CELF2: variants seen among roughly 807,000 people sequenced by gnomAD.
The protein encoded by CELF2 is CUG triplet repeat RNA-binding protein 2.
A neutral mutation model predicts 62.6 loss-of-function variants in CELF2; 8 were observed. The observed-to-expected ratio is 0.13, with a 90% CI of 0.07 to 0.23. CELF2 has a LOEUF of 0.23. CELF2 is among the 10% of genes least tolerant of loss of function. The pLI is 1.00. For missense variants in CELF2, 333 were observed against 671.0 expected (o/e 0.50, Z 5.56); for synonymous variants, 258 against 250.0 (o/e 1.03, Z -0.30).
At chr10:11,131,338 C>G (rs1489130874) in intron 1 of CELF2, among the ~76,000 whole-genome samples, 1 of 152,190 alleles carries the variant, frequency 6.6e-6, no homozygotes. Flanking sequence ...ACACTGTGTA[C>G]TCAGTCACTC....
chr10:11,282,147 C>A (rs1469979995), intron 8 of CELF2, among the ~76,000 whole-genome samples: 1 of 152,180 alleles, frequency 6.6e-6, no homozygotes, highest in Non-Finnish European at 1.5e-5. Context: ...TTCCTCCCCT[C>A]CATCCGTCCC....
At chr10:11,026,813 G>A (rs2138527766) in intron 1 of CELF2, among the ~76,000 whole-genome samples, 1 of 152,330 alleles carries the variant, frequency 6.6e-6, no homozygotes, top group African/African-American at 2.4e-5. Context: ...GAGGAGAGCA[G>A]TATCCAAATA....
At chr10:11,249,527 A>G (rs1427300831) in intron 4 of CELF2, among the ~76,000 whole-genome samples, 1 of 152,084 alleles carries the variant, frequency 6.6e-6, no homozygotes, top group African/African-American at 2.4e-5. Context: ...ATACAGGGAC[A>G]TCTCATGGGG....
At chr10:11,226,715 C>T (rs2066749381) in intron 3 of CELF2, among the ~76,000 whole-genome samples, 1 of 151,948 alleles carries the variant, frequency 6.6e-6, no homozygotes, top group Non-Finnish European at 1.5e-5. Flanking sequence ...AAGCCATGTT[C>T]CCTTGCACAG....
chr10:11,332,825 CAT>C lies in CELF2; in HGVS notation c.*3773_*3774del, dbSNP rs1002219341. On this transcript the variant is annotated 3_prime_UTR_variant, in exon 13 of 13. Transcript: ENST00000633077. ...AATGACATGATTTGTATTATCCTCACATGTGTTTACTACTGCTGGGGCCTTCC... is the reference window on the plus strand; with the variant it reads ...AATGACATGATTTGTATTATCCTCACGTGTTTACTACTGCTGGGGCCTTCC... 5 of 152,694 alleles carry C rather than the reference CAT, an allele frequency of 3.3e-5. No homozygotes were observed. The highest frequency in any genetic ancestry group is 1.2e-4 in the African/African-American group (5 of 41,458). 9.5% of individuals were successfully genotyped at this position (152,694 alleles called of 1,614,324 possible). A position where few individuals can be genotyped will look rare whatever the true frequency, so the allele number is the denominator to read the frequency against.
chr10:11,093,405 A>G (rs1293389497), intron 1 of CELF2, among the ~76,000 whole-genome samples: 1 of 152,186 alleles, frequency 6.6e-6, no homozygotes, highest in African/African-American at 2.4e-5. Context: ...AACTAATAAA[A>G]ATTTTAATTT....
the CELF2 span, among the ~76,000 whole-genome samples, chr10:10,563,036 G>T: frequency 1.3e-5 from 2 of 152,090 alleles, no homozygotes; most frequent in Non-Finnish European, 2.9e-5. Flanking sequence ...AACCTCTGGA[G>T]AATGACATGG....
At chr10:11,193,836 T>C (rs1160589963) in intron 2 of CELF2, among the ~76,000 whole-genome samples, 1 of 152,194 alleles carries the variant, frequency 6.6e-6, no homozygotes. Flanking sequence ...ATATGACGCT[T>C]CATGTTTATA....
In CELF2 at chr10:10,938,196, G is replaced by A. The variant is rs1369933943; in HGVS notation, c.89+18197G>A. 2.6e-5 allele frequency among the ~76,000 whole-genome samples: 4 copies of A among 152,232 alleles called. No homozygotes were observed. Among genetic ancestry groups the A allele is most frequent in the Non-Finnish European group, 5.9e-5 (4 of 68,044 alleles). Reference sequence around the variant, plus strand: ...CTGTTCTTTGTTTTCTAATGGGCATGTGATGTTGATGAAAAATAGCATTCA... The same window carrying A: ...CTGTTCTTTGTTTTCTAATGGGCATATGATGTTGATGAAAAATAGCATTCA... On this transcript the variant is annotated intron_variant, in intron 2 of 13. Transcript: ENST00000636488. The surrounding 1 kb of genome is among the most constrained non-coding windows in gnomAD (Gnocchi z 4.2).
In CELF2 at chr10:10,996,997, C is replaced by G. The variant is rs200688218; in HGVS notation, c.89+76998C>G. ...GTGTTGGAAACATCAGAATTATCTT[C>G]AACTCCTTGGTTTTCTTCATTCCAC... On this transcript the variant is annotated intron_variant, in intron 2 of 13. Transcript: ENST00000636488. Among the ~76,000 whole-genome samples, 15 of 152,308 alleles carry G rather than the reference C, an allele frequency of 9.8e-5. No individual in the cohort carries two copies. In the East Asian group the frequency reaches 2.9e-3, roughly 29 times the overall value.
At chr10:11,141,234 G>A (rs1301011827) in intron 1 of CELF2, among the ~76,000 whole-genome samples, 1 of 152,162 alleles carries the variant, frequency 6.6e-6, no homozygotes, top group African/African-American at 2.4e-5. Context: ...TTACTGGATG[G>A]AGCAGAATAG....
intron 1 of CELF2, among the ~76,000 whole-genome samples, chr10:11,056,831 A>C (rs1457954664): frequency 6.6e-6 from 1 of 152,250 alleles, no homozygotes; most frequent in Admixed American, 6.5e-5. Context: ...AAATGTGTCC[A>C]TTAGCAATAA....
chr10:10,772,610 C>T, the CELF2 span, among the ~76,000 whole-genome samples: 1 of 152,206 alleles, frequency 6.6e-6, no homozygotes, highest in African/African-American at 2.4e-5. Flanking sequence ...TTGGTGCTAT[C>T]ACAGAGGGAA....
Position 11,216,813 on chromosome 10 carries a change from G to C in CELF2, c.272-612G>C, listed in dbSNP as rs535353324. Among the ~76,000 whole-genome samples, 28 of 152,246 alleles carry C rather than the reference G, an allele frequency of 1.8e-4. 1 individual carries two copies. The South Asian group carries it at 5.8e-3, about 32-fold the overall frequency. On this transcript the variant is annotated intron_variant, in intron 2 of 12. Coordinates refer to ENST00000633077, the MANE Select transcript of CELF2 (RefSeq NM_001326342.2). ...GCCAGAGTCCACTAACATCTGTTTG[G>C]GCATGTACCCATCTGTATTGTAGCT...
At position 10,844,797 on chromosome 10, in the gene CELF2, C is replaced by G. The variant is rs142979891; in HGVS notation, c.53+45980C>G. Among the ~76,000 whole-genome samples the G allele has an allele frequency of 2.8e-3, 427 of 152,000 alleles. 2 individuals carry two copies. The highest frequency in any genetic ancestry group is 9.0e-3 in the African/African-American group (375 of 41,500). On this transcript the variant is annotated intron_variant, in intron 1 of 13. Transcript: ENST00000636488. ...ACCTGGCAAAAAGATTGACATATGCCCTGGGAAAGGAACAGAAAATTTGAA... is the reference window on the plus strand; with the variant it reads ...ACCTGGCAAAAAGATTGACATATGCGCTGGGAAAGGAACAGAAAATTTGAA...
the CELF2 span, among the ~76,000 whole-genome samples, chr10:10,781,752 C>T: frequency 6.6e-6 from 1 of 152,160 alleles, no homozygotes; most frequent in Non-Finnish European, 1.5e-5. Flanking sequence ...TAAGTACACT[C>T]TACGCTGGTC....
chr10:10,521,765 C>T, the CELF2 span, among the ~76,000 whole-genome samples: 22 of 152,058 alleles, frequency 1.4e-4, no homozygotes, highest in South Asian at 4.2e-3. Context: ...AAAGACATGA[C>T]AGTTAATTTA....
chr10:10,916,329 A>G (rs1191874937), intron 1 of CELF2, among the ~76,000 whole-genome samples: 2 of 152,238 alleles, frequency 1.3e-5, no homozygotes, highest in African/African-American at 4.8e-5. Flanking sequence ...TTTTGTTAAA[A>G]TTTGGAGCTA....
chr10:11,032,146 CAAAAAAAAA>C (rs56364371), intron 1 of CELF2, among the ~76,000 whole-genome samples: 21 of 86,386 alleles, frequency 2.4e-4, no homozygotes, highest in Admixed American at 4.6e-4. Context: ...AGGGCTTAGC[CAAAAAAAAA>C]AAAAAAAAAA....
Sources: gnomAD v4.1 joint callset for allele counts (sites outside exome capture counted in the v4.1 genomes callset) on GRCh38, gnomAD v4.1.1 for gene constraint, Gnocchi (gnomAD v3.1) non-coding constraint, MANE v1.5 for transcripts, NCBI Gene and HGNC (gene_info 2026-07-23, HGNC 2026-07-21) for gene names.